Variants in FUT8 observed in about 807,000 individuals in gnomAD.
FUT8 encodes the protein fucosyltransferase 8.
FUT8 carries 29 observed loss-of-function variants against 71.3 expected under a neutral mutation model. That is an observed-to-expected ratio of 0.41 (90% CI 0.30 to 0.55). The LOEUF (loss-of-function observed/expected upper bound fraction) is 0.55. Among genes scored for constraint, FUT8 ranks in the 20% least tolerant of loss-of-function variants. The pLI is 0.34. For missense variants in FUT8, 544 were observed against 702.1 expected (o/e 0.77, Z 2.55); for synonymous variants, 254 against 239.3 (o/e 1.06, Z -0.57).
intron 3 of FUT8, among the ~76,000 whole-genome samples, chr14:65,591,383 A>G (rs1594795606): frequency 6.6e-6 from 1 of 152,278 alleles, no homozygotes; most frequent in Non-Finnish European, 1.5e-5. Flanking sequence ...AGCTTATGAT[A>G]CATTATATCT....
intron 1 of FUT8, among the ~76,000 whole-genome samples, chr14:65,455,109 C>T (rs1260231840): frequency 6.6e-6 from 1 of 152,012 alleles, no homozygotes; most frequent in Non-Finnish European, 1.5e-5. Flanking sequence ...TGTTGTATTG[C>T]AGGGTGACAA....
chr14:65,478,287 C>T (rs981099657), intron 2 of FUT8, among the ~76,000 whole-genome samples: 3 of 152,076 alleles, frequency 2.0e-5, no homozygotes, highest in African/African-American at 7.2e-5. Flanking sequence ...TAGTACTGAA[C>T]CCTATATATA....
At chr14:65,524,154 TC>T (rs1307673414) in intron 2 of FUT8, among the ~76,000 whole-genome samples, 1 of 152,194 alleles carries the variant, frequency 6.6e-6, no homozygotes. Context: ...ATCTATAAAT[TC>T]CCTTGGGCAG....
chr14:65,578,375 C>G (rs537119875), intron 3 of FUT8, among the ~76,000 whole-genome samples: 1 of 152,208 alleles, frequency 6.6e-6, no homozygotes. Context: ...CTATTTCTTA[C>G]GTTTCTTTCA....
intron 2 of FUT8, among the ~76,000 whole-genome samples, chr14:65,553,365 A>G (rs1321925065): frequency 1.3e-5 from 2 of 152,012 alleles, no homozygotes; most frequent in Non-Finnish European, 2.9e-5. Context: ...ATATTCTGTC[A>G]TATGTTTTAC....
At chr14:65,402,861 C>CT in the FUT8 span, among the ~76,000 whole-genome samples, 4 of 152,150 alleles carry the variant, frequency 2.6e-5, no homozygotes, top group African/African-American at 9.7e-5. Flanking sequence ...CACTTGACCT[C>CT]TATCTATGTA....
At chr14:65,530,841 C>A (rs890958400) in intron 2 of FUT8, among the ~76,000 whole-genome samples, 2 of 150,756 alleles carry the variant, frequency 1.3e-5, no homozygotes, top group Non-Finnish European at 3.0e-5. Context: ...CCCTCCCTCC[C>A]CCTCTCTTCC....
rs1892381642 is a variant in FUT8 at position 65,669,605 on chromosome 14, A to G, written c.835+125A>G. 1 of 594,932 alleles carries G rather than the reference A, an allele frequency of 1.7e-6. No individual in the cohort carries two copies. The highest frequency in any genetic ancestry group is 3.0e-6 in the Non-Finnish European group (1 of 337,562). 36.9% of individuals were successfully genotyped at this position (594,932 alleles called of 1,614,324 possible). A position where few individuals can be genotyped will look rare whatever the true frequency, so the allele number is the denominator to read the frequency against. On this transcript the variant is annotated intron_variant, in intron 7 of 10. Transcript: ENST00000673929. The surrounding 1 kb of genome is among the most constrained non-coding windows in gnomAD (Gnocchi z 4.5). ...TCCTCTGGATCCATGAATACTATAC[A>G]TTATCCAGATAAAATCTAGAAGAAC...
rs1279432054 is a variant in FUT8 at position 65,616,428 on chromosome 14, A to C, written c.482+55A>C. The C allele has an allele frequency of 2.2e-6, 3 of 1,391,446 alleles. No homozygotes were observed. In the East Asian group the frequency reaches 6.9e-5, roughly 32 times the overall value. The allele number at this position is 1,391,446 out of a possible 1,614,324, so 86.2% of individuals were successfully genotyped here. A position where few individuals can be genotyped will look rare whatever the true frequency, so the allele number is the denominator to read the frequency against. On this transcript the variant is annotated intron_variant, in intron 5 of 10. Transcript: ENST00000673929. ...GCTTTAGAAAAGATTATAATCTAAG[A>C]ATGAGAAACAGACTTGTTAATCCAT...
intron 7 of FUT8, among the ~76,000 whole-genome samples, chr14:65,689,643 A>G (rs924012890): frequency 1.3e-5 from 2 of 152,106 alleles, no homozygotes; most frequent in African/African-American, 4.8e-5. Context: ...GGTTCAAGCA[A>G]TTCTTCTGCC....
chr14:65,737,725 G>A (rs1290864739), intron 10 of FUT8, among the ~76,000 whole-genome samples: 1 of 152,056 alleles, frequency 6.6e-6, no homozygotes, highest in Non-Finnish European at 1.5e-5. Context: ...AGCAGTTAAT[G>A]TTACTCTGTA....
At chr14:65,361,921 A>G in the FUT8 span, among the ~76,000 whole-genome samples, 2 of 152,196 alleles carry the variant, frequency 1.3e-5, no homozygotes, top group East Asian at 3.8e-4. Context: ...ATGTTGTGGT[A>G]GATCCTCCCC....
intron 1 of FUT8, among the ~76,000 whole-genome samples, chr14:65,445,628 G>A (rs945135206): frequency 1.3e-5 from 2 of 152,138 alleles, no homozygotes; most frequent in Non-Finnish European, 2.9e-5. Context: ...GAAATAAAAT[G>A]GAAGACATAC....
chr14:65,358,409 C>T, the FUT8 span, among the ~76,000 whole-genome samples: 1 of 152,058 alleles, frequency 6.6e-6, no homozygotes, highest in African/African-American at 2.4e-5. Context: ...ATCACATGTA[C>T]AAAAATGTTG....
At chr14:65,516,440 T>A (rs1346892514) in intron 2 of FUT8, 2 of 152,192 alleles carry the variant, frequency 1.3e-5, no homozygotes, top group Admixed American at 6.5e-5. Context: ...ATTATAGCCA[T>A]CTTTAAGTGT....
At chr14:65,724,854 A>C (rs1340344910) in intron 9 of FUT8, among the ~76,000 whole-genome samples, 1 of 152,002 alleles carries the variant, frequency 6.6e-6, no homozygotes, top group Non-Finnish European at 1.5e-5. Flanking sequence ...CTCCACATAT[A>C]AGGACACTAA....
intron 1 of FUT8, among the ~76,000 whole-genome samples, chr14:65,423,638 A>G (rs1330522585): frequency 6.6e-6 from 1 of 152,120 alleles, no homozygotes; most frequent in Non-Finnish European, 1.5e-5. Context: ...TTCTCCTGTT[A>G]TCGTGACGTT....
chr14:65,459,078 T>A (rs759066616), intron 2 of FUT8, among the ~76,000 whole-genome samples: 1 of 152,186 alleles, frequency 6.6e-6, no homozygotes, highest in Non-Finnish European at 1.5e-5. Flanking sequence ...TGTGAGGCAC[T>A]GTGCCCGGTC....
Position 65,619,787 on chromosome 14 carries a change from T to C in FUT8, c.482+3414T>C, listed in dbSNP as rs192741652. 5.3e-5 allele frequency among the ~76,000 whole-genome samples: 8 copies of C among 152,362 alleles called. No homozygotes were observed. In the East Asian group the frequency reaches 1.5e-3, roughly 29 times the overall value. Reference sequence around the variant, plus strand: ...CATTCTAGTGATTGCATATGACCATTCTTCCCAGTAATACAGTTAAATATA... The same window carrying C: ...CATTCTAGTGATTGCATATGACCATCCTTCCCAGTAATACAGTTAAATATA... On this transcript the variant is annotated intron_variant, in intron 5 of 10. Coordinates refer to ENST00000673929, the MANE Select transcript of FUT8 (RefSeq NM_001371533.1).
Sources: allele counts gnomAD v4.1 joint callset (sites outside exome capture counted in the v4.1 genomes callset), GRCh38; gene constraint gnomAD v4.1.1; non-coding constraint Gnocchi (gnomAD v3.1); transcripts MANE v1.5; gene names NCBI Gene and HGNC (gene_info 2026-07-23, HGNC 2026-07-21).